Variants in KMT2E observed in about 807,000 individuals in gnomAD.
The protein encoded by KMT2E is histone reader KMT2E.
KMT2E carries 30 observed loss-of-function variants against 184.6 expected under a neutral mutation model. The observed-to-expected ratio is 0.16, with a 90% CI of 0.12 to 0.22. KMT2E has a LOEUF of 0.22. Ranked by LOEUF, KMT2E falls within the 10% of genes least tolerant of loss-of-function variation. The pLI, the probability that KMT2E is intolerant of heterozygous loss-of-function variation, is 1.00. For missense variants in KMT2E, 2,023 were observed against 2,237.4 expected (o/e 0.90, Z 1.93); for synonymous variants, 815 against 776.5 (o/e 1.05, Z -0.82).
rs1259171545 is a variant in KMT2E, at chr7:105,090,117, G to GA, written c.1473dup (p.Gly492ArgfsTer23). 1 of 1,612,152 alleles carries GA rather than the reference G, an allele frequency of 6.2e-7. No homozygotes were observed. Among genetic ancestry groups the GA allele is most frequent in the Non-Finnish European group, 8.5e-7 (1 of 1,179,434 alleles). On this transcript the variant is annotated frameshift_variant, in exon 14 of 27. Transcript: ENST00000311117. LOFTEE classifies it high-confidence loss of function. ...TCAATAGTGGTTATGAGACCAGACG[G>GA]AAAAAAGGAAAAAAAGACAAAGATA...
At position 105,108,973 on chromosome 7, in the gene KMT2E, G is replaced by A. The variant is rs766272038; in HGVS notation, c.3500G>A (p.Arg1167His). 2.5e-5 allele frequency: 41 copies of A among 1,612,772 alleles called. No individual in the cohort carries two copies. The highest frequency in any genetic ancestry group is 3.4e-5 in the Non-Finnish European group (40 of 1,179,046). Residue 1167 changes from arginine to histidine, a missense_variant, in exon 23 of 27, where the codon CGT becomes CAT. Transcript: ENST00000311117. ...VSLLEYRKRQ[R>H]EARKSGSKTE... ...CTATTAGAATACCGTAAGAGACAAC[G>A]TGAAGCTAGGAAAAGTGGCTCTAAG...
At chr7:105,023,431 A>G (rs1233749892) in intron 1 of KMT2E, among the ~76,000 whole-genome samples, 8 of 148,598 alleles carry the variant, frequency 5.4e-5, no homozygotes, top group African/African-American at 1.8e-4. Context: ...AAGAGAGACA[A>G]AAATTCATTA....
rs758447938 is a variant in KMT2E at position 105,092,897 on chromosome 7, T to TA, written c.1722+1592dup. ...TGACCACTTTGGAGAAAAAATGAAATAAAAAAAAATCATAGGCCAGGCGTG... is the reference window on the plus strand; with the variant it reads ...TGACCACTTTGGAGAAAAAATGAAATAAAAAAAAAATCATAGGCCAGGCGTG... On this transcript the variant is annotated intron_variant, in intron 15 of 26. Transcript: ENST00000311117. Among the ~76,000 whole-genome samples, 94 of 151,188 alleles carry TA rather than the reference T, an allele frequency of 6.2e-4. 1 individual carries two copies. The highest frequency in any genetic ancestry group is 1.9e-3 in the South Asian group (9 of 4,782).
At chr7:105,079,829 CATTATT>C (rs111633846) in intron 12 of KMT2E, among the ~76,000 whole-genome samples, 7 of 146,704 alleles carry the variant, frequency 4.8e-5, no homozygotes, top group Non-Finnish European at 7.5e-5. Context: ...CTTTTTAAAT[CATTATT>C]ATTATTATTA....
chr7:105,058,669 G>T (rs1462816449), intron 3 of KMT2E, among the ~76,000 whole-genome samples: 4 of 152,136 alleles, frequency 2.6e-5, no homozygotes, highest in African/African-American at 9.7e-5. Context: ...TTTTGAAAAG[G>T]TGACTTCATC....
chr7:105,022,596 A>G (rs748421051), intron 1 of KMT2E, among the ~76,000 whole-genome samples: 3 of 152,108 alleles, frequency 2.0e-5, no homozygotes, highest in Non-Finnish European at 4.4e-5. Context: ...TTTTGGGGAA[A>G]TACTTTGAGA....
intron 15 of KMT2E, among the ~76,000 whole-genome samples, chr7:105,096,559 T>A (rs1238430929): frequency 6.6e-6 from 1 of 151,162 alleles, no homozygotes; most frequent in African/African-American, 2.4e-5. Flanking sequence ...TATAGTCTAG[T>A]CTGGAATTTT....
chr7:105,084,844 T>C (rs1262033561), intron 13 of KMT2E, among the ~76,000 whole-genome samples: 1 of 152,194 alleles, frequency 6.6e-6, no homozygotes, highest in African/African-American at 2.4e-5. Context: ...CAGAATGTAC[T>C]ACAGTTAGTT....
intron 6 of KMT2E, among the ~76,000 whole-genome samples, chr7:105,068,828 G>C (rs13223290): frequency 0.14 from 21,013 of 151,862 alleles, 1,884 homozygotes; most frequent in East Asian, 0.25. Flanking sequence ...TTGAGGAAAG[G>C]CTGGATAAAT....
At position 105,073,648 on chromosome 7, in the gene KMT2E, T is replaced by A; in HGVS notation, c.527T>A (p.Leu176Gln). 6.2e-7 allele frequency: 1 copy of A among 1,606,930 alleles called. No individual in the cohort carries two copies. Among genetic ancestry groups the A allele is most frequent in the South Asian group, 1.1e-5 (1 of 90,596 alleles). Residue 176 changes from leucine to glutamine, a missense_variant, in exon 7 of 27, where the codon CTA becomes CAA. Leu to Gln is a moderately radical substitution (Grantham distance 113, BLOSUM62 -2). Around this residue, in one of 8 missense-constraint regions of KMT2E, gnomAD observed 191 missense variants for 209.0 expected, o/e 0.91. Transcript: ENST00000311117. ...TTGGATAAAGAGAGGGCAGTGCTAC[T>A]ACAACGCCGGAAAAGGGAAAATATG... ...RNLDKERAVL[L>Q]QRRKRENMSD... is the part of the protein sequence containing the mutation.
chr7:105,080,074 T>G (rs563115805), intron 12 of KMT2E, among the ~76,000 whole-genome samples: 7 of 151,840 alleles, frequency 4.6e-5, no homozygotes, highest in Admixed American at 2.0e-4. Context: ...CTGGAGCTCC[T>G]GTGTTCAAGC....
intron 17 of KMT2E, chr7:105,102,765 G>T (rs1438428633): frequency 6.5e-6 from 1 of 152,712 alleles, no homozygotes; most frequent in Non-Finnish European, 1.5e-5. Context: ...CAGCAGATTG[G>T]GGCAGAGATA....
At chr7:105,101,393 T>G in intron 15 of KMT2E, 32 bp from the exon 16 acceptor site, 1 of 1,443,532 alleles carries the variant, frequency 6.9e-7, no homozygotes, top group Non-Finnish European at 9.2e-7. Flanking sequence ...GCATTGATAT[T>G]TATGATGTCA....
At chr7:105,110,084 T>C (rs1799135052) in intron 23 of KMT2E, among the ~76,000 whole-genome samples, 196 bp from the exon 24 acceptor site, 1 of 152,064 alleles carries the variant, frequency 6.6e-6, no homozygotes, top group Non-Finnish European at 1.5e-5. Flanking sequence ...CTGCCCACCT[T>C]GGCCTCCCAA....
At position 105,105,596 on chromosome 7, in the gene KMT2E, C is replaced by G. The variant is rs1347578126; in HGVS notation, c.2354C>G (p.Ser785Cys). 1 of 1,613,548 alleles carries G rather than the reference C, an allele frequency of 6.2e-7. No homozygotes were observed. Among genetic ancestry groups the G allele is most frequent in the Non-Finnish European group, 8.5e-7 (1 of 1,179,528 alleles). ...PGLTYSPHVY[S>C]TPKHYIRFTS... ...CTCACTTACAGCCCCCATGTATACT[C>G]CACTCCTAAGCATTATATTAGATTT... Residue 785 changes from serine to cysteine, a missense_variant, in exon 18 of 27, where the codon TCC becomes TGC. Transcript: ENST00000311117.
intron 1 of KMT2E, among the ~76,000 whole-genome samples, chr7:105,030,034 C>G (rs1219396358): frequency 6.6e-6 from 1 of 152,152 alleles, no homozygotes; most frequent in Non-Finnish European, 1.5e-5. Context: ...AGAAATACCT[C>G]AGTTCTTGCT....
At chr7:105,022,144 AGTT>A (rs1433045243) in intron 1 of KMT2E, among the ~76,000 whole-genome samples, 1 of 152,202 alleles carries the variant, frequency 6.6e-6, no homozygotes, top group East Asian at 1.9e-4. Context: ...GTAACAGAGT[AGTT>A]GTCAAATTCA....
At chr7:105,086,213 G>A (rs1318752054) in intron 13 of KMT2E, among the ~76,000 whole-genome samples, 1 of 151,988 alleles carries the variant, frequency 6.6e-6, no homozygotes, top group African/African-American at 2.4e-5. Context: ...AATGCTCCTA[G>A]GGCTTTCTGA....
rs569513147 is a variant in KMT2E at position 105,066,524 on chromosome 7, T to G, written c.417-203T>G. Among the ~76,000 whole-genome samples the G allele has an allele frequency of 7.2e-5, 11 of 152,326 alleles. No individual in the cohort carries two copies. In the South Asian group the frequency reaches 1.9e-3, roughly 26 times the overall value. ...AAATTGTATCTGCTTTAAAAATTTA[T>G]GTATCCTATATTTATCCTCTTGCTT... On this transcript the variant is annotated intron_variant, in intron 5 of 26. Transcript: ENST00000311117.
Sources: allele counts gnomAD v4.1 joint callset (sites outside exome capture counted in the v4.1 genomes callset), GRCh38; gene constraint gnomAD v4.1.1; regional missense constraint gnomAD v4.1.1; transcripts MANE v1.5; gene names NCBI Gene and HGNC (gene_info 2026-07-23, HGNC 2026-07-21).